Variants in TRIM2 observed in about 807,000 individuals in gnomAD.
The protein encoded by TRIM2 is tripartite motif containing 2.
Under a neutral mutation model 75.2 loss-of-function variants are expected in TRIM2, and 20 were observed. The ratio of observed to expected loss-of-function variants is 0.27; its 90% CI spans 0.19 to 0.39. The LOEUF (loss-of-function observed/expected upper bound fraction) is 0.39, where lower values mean the gene tolerates loss of function less well. TRIM2 is among the 10% of genes least tolerant of loss of function. The pLI is 1.00. For missense variants in TRIM2, 660 were observed against 990.8 expected (o/e 0.67, Z 4.48); for synonymous variants, 373 against 388.3 (o/e 0.96, Z 0.46).
chr4:153,288,160 G>T (rs1761069978), intron 3 of TRIM2, among the ~76,000 whole-genome samples: 1 of 152,102 alleles, frequency 6.6e-6, no homozygotes, highest in African/African-American at 2.4e-5. Context: ...TCTGCAGCCG[G>T]GCATGGTGGC....
chr4:153,221,582 T>C (rs1202789278), intron 1 of TRIM2, among the ~76,000 whole-genome samples: 2 of 152,084 alleles, frequency 1.3e-5, no homozygotes, highest in East Asian at 1.9e-4. Flanking sequence ...CCTTCCCCTC[T>C]GCCCCCCAAA....
chr4:153,173,358 T>C (rs988565921), intron 1 of TRIM2, among the ~76,000 whole-genome samples: 1 of 151,878 alleles, frequency 6.6e-6, no homozygotes, highest in Non-Finnish European at 1.5e-5. Context: ...TACCTCTATT[T>C]AAATTTTCTT....
chr4:153,249,228 C>T (rs1750146061), intron 1 of TRIM2, among the ~76,000 whole-genome samples: 1 of 152,242 alleles, frequency 6.6e-6, no homozygotes, highest in Non-Finnish European at 1.5e-5. Flanking sequence ...GGAATACCGG[C>T]GCGCAATCGC....
At chr4:153,285,523 G>A (rs1760411329) in intron 3 of TRIM2, among the ~76,000 whole-genome samples, 1 of 152,040 alleles carries the variant, frequency 6.6e-6, no homozygotes, top group Admixed American at 6.6e-5. Flanking sequence ...AATAGAGATA[G>A]GTCTCACTAT....
At position 153,336,150 on chromosome 4, in the gene TRIM2, A is replaced by C; in HGVS notation, c.*1184A>C. 1 of 985,302 alleles carries C rather than the reference A, an allele frequency of 1.0e-6. No homozygotes were observed. 61.0% of individuals were successfully genotyped at this position (985,302 alleles called of 1,614,324 possible). On this transcript the variant is annotated 3_prime_UTR_variant, in exon 12 of 12. Transcript: ENST00000338700. The stretch of plus-strand genomic sequence containing the variant: ...TATATATATACACACACACATATAT[A>C]TAGCTGAATCTTTGGTGTATTGAAA...
At chr4:153,279,935 T>C (rs1307923099) in intron 3 of TRIM2, among the ~76,000 whole-genome samples, 1 of 121,980 alleles carries the variant, frequency 8.2e-6, no homozygotes. Flanking sequence ...AGAGTGAGAC[T>C]CTGTCTCAAA....
intron 1 of TRIM2, among the ~76,000 whole-genome samples, chr4:153,183,572 C>T (rs1732287584): frequency 6.6e-6 from 1 of 152,122 alleles, no homozygotes; most frequent in Admixed American, 6.5e-5. Flanking sequence ...TTCTGGAGCA[C>T]AGCTGAACCT....
chr4:153,292,932 GC>G, intron 3 of TRIM2, 49 bp from the exon 4 acceptor site: 1 of 1,517,660 alleles, frequency 6.6e-7, no homozygotes, highest in Non-Finnish European at 8.9e-7. Context: ...TGTAGAGTAA[GC>G]CCTCAACCCA....
intron 3 of TRIM2, among the ~76,000 whole-genome samples, chr4:153,279,755 C>T (rs1758818540): frequency 1.3e-5 from 2 of 151,908 alleles, no homozygotes; most frequent in Non-Finnish European, 2.9e-5. Flanking sequence ...CCAGCCTGGC[C>T]AACATGGTAA....
chr4:153,289,396 C>A (rs1468137761), intron 3 of TRIM2, among the ~76,000 whole-genome samples: 2 of 152,110 alleles, frequency 1.3e-5, no homozygotes, highest in Non-Finnish European at 2.9e-5. Flanking sequence ...AGCTACCAAC[C>A]AGTGACCTGA....
At chr4:153,257,669 G>T in intron 1 of TRIM2, 4 of 1,139,050 alleles carry the variant, frequency 3.5e-6, no homozygotes, top group Non-Finnish European at 4.7e-6. Flanking sequence ...TAGCAGAAAC[G>T]TGCGTTGTTC....
chr4:153,319,655 G>A (rs547891069), intron 8 of TRIM2, among the ~76,000 whole-genome samples: 191 of 152,144 alleles, frequency 1.3e-3, no homozygotes, highest in African/African-American at 4.4e-3. Context: ...ACTTGAACCC[G>A]GGAGGCAGAG....
At chr4:153,203,207 T>C (rs76174734), upstream of TRIM2, among the ~76,000 whole-genome samples, 3,933 of 151,568 alleles carry the variant, frequency 0.026, 157 homozygotes, top group African/African-American at 0.088. Flanking sequence ...ACTTCTGATA[T>C]GTTTGATCAA....
chr4:153,270,358 AGCCGGCC>A lies in TRIM2; in HGVS notation c.55_61del (p.Ala19ProfsTer28). The A allele has an allele frequency of 2.5e-6, 4 of 1,613,446 alleles. No individual in the cohort carries two copies. The highest frequency in any genetic ancestry group is 3.4e-6 in the Non-Finnish European group (4 of 1,179,680). Reference sequence around the variant, plus strand: ...AGCAGCAGCGTGCAGGGTCAAAGACAGCCGGCCCCCCATGTCAGTGGTCTAGGATGGC... The same window carrying A: ...AGCAGCAGCGTGCAGGGTCAAAGACACCCCATGTCAGTGGTCTAGGATGGC... On this transcript the variant is annotated frameshift_variant, in exon 2 of 12. Transcript: ENST00000338700. LOFTEE classifies it high-confidence loss of function.
At chr4:153,192,682 T>TATTG (rs1390320926) in intron 1 of TRIM2, among the ~76,000 whole-genome samples, 6 of 151,164 alleles carry the variant, frequency 4.0e-5, no homozygotes, top group Non-Finnish European at 8.8e-5. Context: ...CAGTTCGATA[T>TATTG]ATTGTGCCCA....
At chr4:153,262,662 C>A (rs1048018836) in intron 1 of TRIM2, among the ~76,000 whole-genome samples, 1 of 152,264 alleles carries the variant, frequency 6.6e-6, no homozygotes, top group Non-Finnish European at 1.5e-5. Flanking sequence ...ATAATTCTAA[C>A]CTTGTGGCTG....
chr4:153,196,275 AC>A (rs894101018), intron 1 of TRIM2, among the ~76,000 whole-genome samples: 2 of 143,866 alleles, frequency 1.4e-5, no homozygotes, highest in African/African-American at 5.4e-5. Flanking sequence ...CCCCCCCCAC[AC>A]ACACACACAC....
intron 1 of TRIM2, among the ~76,000 whole-genome samples, chr4:153,154,769 T>C (rs1729069218): frequency 1.3e-5 from 2 of 152,208 alleles, no homozygotes; most frequent in South Asian, 4.1e-4. Flanking sequence ...TTTAATTTTA[T>C]TTATCAGGTT....
chr4:153,271,610 G>A (rs897715725), intron 2 of TRIM2, among the ~76,000 whole-genome samples: 4 of 151,712 alleles, frequency 2.6e-5, no homozygotes, highest in Non-Finnish European at 4.4e-5. Flanking sequence ...TATGGGTTTT[G>A]GTTTGTTTTA....
Sources: allele counts gnomAD v4.1 joint callset (sites outside exome capture counted in the v4.1 genomes callset), GRCh38; gene constraint gnomAD v4.1.1; transcripts MANE v1.5; gene names NCBI Gene and HGNC (gene_info 2026-07-23, HGNC 2026-07-21).